The following PAK1 variants were observed in gnomAD, a reference collection of about 807,000 sequenced individuals.
The protein encoded by PAK1 is p21 (RAC1) activated kinase 1.
In PAK1, 29 loss-of-function variants were observed where a neutral mutation model predicts 67.4. That is an observed-to-expected ratio of 0.43 (90% CI 0.32 to 0.59). The LOEUF is 0.59. Ranked by LOEUF, PAK1 falls within the 20% of genes least tolerant of loss-of-function variation. PAK1 has a pLI of 0.07. For synonymous variants in PAK1, 223 were observed against 237.4 expected (o/e 0.94, Z 0.56); for missense variants, 337 against 670.7 (o/e 0.50, Z 5.50).
chr11:77,329,508 T>C (rs1940921153), intron 14 of PAK1, among the ~76,000 whole-genome samples: 1 of 152,146 alleles, frequency 6.6e-6, no homozygotes, highest in South Asian at 2.1e-4. Flanking sequence ...TAATCCAAGG[T>C]ATAAACAGAA....
intron 1 of PAK1, among the ~76,000 whole-genome samples, chr11:77,437,909 G>A (rs1956199818): frequency 6.6e-6 from 1 of 152,158 alleles, no homozygotes; most frequent in African/African-American, 2.4e-5. Flanking sequence ...AGGAAAGCCA[G>A]CACTGGAACT....
At chr11:77,478,634 G>A (rs1958084749), upstream of PAK1, among the ~76,000 whole-genome samples, 1 of 151,434 alleles carries the variant, frequency 6.6e-6, no homozygotes, top group South Asian at 2.1e-4. Flanking sequence ...AAAAAAATTA[G>A]CCGGGCGTGG....
chr11:77,523,379 G>GGAT, the PAK1 span, among the ~76,000 whole-genome samples: 1 of 151,754 alleles, frequency 6.6e-6, no homozygotes, highest in African/African-American at 2.4e-5. Context: ...TATTGAAGCT[G>GGAT]GATGATGGGC....
chr11:77,413,481 C>T (rs1017623632), intron 1 of PAK1, among the ~76,000 whole-genome samples: 4 of 152,102 alleles, frequency 2.6e-5, no homozygotes, highest in South Asian at 2.1e-4. Flanking sequence ...CTCAGGAGTT[C>T]AAGGCCAGCC....
At chr11:77,419,446 G>A (rs1592401720) in intron 1 of PAK1, among the ~76,000 whole-genome samples, 3 of 152,214 alleles carry the variant, frequency 2.0e-5, no homozygotes, top group Middle Eastern at 3.4e-3. Flanking sequence ...AGCCTAACCA[G>A]GCCTTTTTAA....
At chr11:77,477,346 C>T (rs1958070217), upstream of PAK1, among the ~76,000 whole-genome samples, 1 of 152,094 alleles carries the variant, frequency 6.6e-6, no homozygotes, top group Non-Finnish European at 1.5e-5. Context: ...GGTCACAAGA[C>T]ATCATCAAAC....
the PAK1 span, among the ~76,000 whole-genome samples, chr11:77,508,524 T>C: frequency 6.6e-6 from 1 of 152,038 alleles, no homozygotes; most frequent in Non-Finnish European, 1.5e-5. Context: ...AACTGGCCAG[T>C]TCCAGCAAAC....
intron 1 of PAK1, among the ~76,000 whole-genome samples, chr11:77,444,404 T>C (rs774310724): frequency 6.6e-6 from 1 of 152,058 alleles, no homozygotes; most frequent in African/African-American, 2.4e-5. Context: ...TATTTTTAAG[T>C]TTCCCGGGTG....
At chr11:77,480,868 A>G in the PAK1 span, among the ~76,000 whole-genome samples, 2 of 152,226 alleles carry the variant, frequency 1.3e-5, no homozygotes, top group East Asian at 3.8e-4. Context: ...TCTTGCCCTC[A>G]GAATGCAAGC....
chr11:77,474,526 G>A (rs1407903251), upstream of PAK1: 1 of 152,224 alleles, frequency 6.6e-6, no homozygotes. Context: ...TCAGGATGGA[G>A]AAAGACGGCT....
chr11:77,352,370 A>G (rs1945373238), intron 8 of PAK1, among the ~76,000 whole-genome samples: 1 of 152,208 alleles, frequency 6.6e-6, no homozygotes, highest in South Asian at 2.1e-4. Context: ...CTTTAAAAAC[A>G]CAAGACAGTC....
Position 77,365,000 on chromosome 11 carries a change from G to A in PAK1, c.478-5983C>T, listed in dbSNP as rs557030990. ...GCGGTGGCTCACACCTGTAATCCTAGCACTTTGGGAGGCCAAGGTGGGCGG... is the reference window on the plus strand; with the variant it reads ...GCGGTGGCTCACACCTGTAATCCTAACACTTTGGGAGGCCAAGGTGGGCGG... On this transcript the variant is annotated intron_variant, in intron 5 of 14. Transcript: ENST00000356341. Among the ~76,000 whole-genome samples the A allele has an allele frequency of 2.6e-5, 4 of 152,228 alleles. No individual in the cohort carries two copies. The East Asian group carries it at 7.7e-4, about 29-fold the overall frequency.
intron 1 of PAK1, among the ~76,000 whole-genome samples, chr11:77,443,615 G>A (rs1366485983): frequency 6.6e-6 from 1 of 152,156 alleles, no homozygotes; most frequent in African/African-American, 2.4e-5. Flanking sequence ...AAACTTAAGA[G>A]GTTAAAATGA....
At chr11:77,522,346 G>A in the PAK1 span, among the ~76,000 whole-genome samples, 1 of 152,218 alleles carries the variant, frequency 6.6e-6, no homozygotes, top group African/African-American at 2.4e-5. Flanking sequence ...AGACAAGGGT[G>A]TGAGATCAGG....
At chr11:77,456,174 G>GT (rs1211871290) in intron 1 of PAK1, among the ~76,000 whole-genome samples, 6 of 151,924 alleles carry the variant, frequency 3.9e-5, no homozygotes, top group Non-Finnish European at 7.4e-5. Context: ...ACTAATAACT[G>GT]TATTTTAAAA....
chr11:77,448,115 C>T (rs1956697404), intron 1 of PAK1, among the ~76,000 whole-genome samples: 1 of 152,104 alleles, frequency 6.6e-6, no homozygotes, highest in Non-Finnish European at 1.5e-5. Context: ...GGTTTGAATC[C>T]CAATTCTGTC....
At chr11:77,485,778 ACTT>A in the PAK1 span, among the ~76,000 whole-genome samples, 6 of 152,124 alleles carry the variant, frequency 3.9e-5, no homozygotes, top group Non-Finnish European at 7.4e-5. Context: ...CCTGGCCTAA[ACTT>A]CTTAATGTAA....
Position 77,407,866 on chromosome 11 carries a change from GTGTT to G in PAK1, c.-21-15329_-21-15326del, listed in dbSNP as rs551407246. Among the ~76,000 whole-genome samples the G allele has an allele frequency of 2.8e-3, 428 of 152,346 alleles. 3 individuals carry two copies. Among genetic ancestry groups the G allele is most frequent in the African/African-American group, 9.8e-3 (408 of 41,578 alleles). On this transcript the variant is annotated intron_variant, in intron 1 of 14. Coordinates refer to ENST00000356341, the MANE Select transcript of PAK1 (RefSeq NM_002576.5). ...GTCTGTTTCCCTTCCAAGGTAATGA[GTGTT>G]TGTTTGGCTATGGCACAGTGACCTG... is the stretch of plus-strand genomic sequence containing the variant.
intron 1 of PAK1, among the ~76,000 whole-genome samples, chr11:77,450,606 A>G (rs1956812127): frequency 6.6e-6 from 1 of 152,234 alleles, no homozygotes. Context: ...GGGCCACAGA[A>G]GTTCTCCACT....
Sources: gnomAD v4.1 joint callset for allele counts (sites outside exome capture counted in the v4.1 genomes callset) on GRCh38, gnomAD v4.1.1 for gene constraint, MANE v1.5 for transcripts, NCBI Gene and HGNC (gene_info 2026-07-23, HGNC 2026-07-21) for gene names.